MYO3A: variants seen among roughly 807,000 people sequenced by gnomAD.
The protein encoded by MYO3A is myosin IIIA.
In MYO3A, 180 loss-of-function variants were observed where a neutral mutation model predicts 192.7. The observed-to-expected ratio is 0.93, with a 90% CI of 0.83 to 1.06. The LOEUF is 1.06. MYO3A is among the 50% of genes least tolerant of loss of function. MYO3A has a pLI of 0.00. For synonymous variants in MYO3A, 628 were observed against 645.3 expected (o/e 0.97, Z 0.41); for missense variants, 1,896 against 1,905.0 (o/e 1.00, Z 0.09).
In MYO3A at chr10:26,025,712, A is replaced by G. The variant is rs964399700; in HGVS notation, c.798-665A>G. On this transcript the variant is annotated intron_variant, in intron 9 of 34. Coordinates refer to ENST00000642920, the MANE Select transcript of MYO3A (RefSeq NM_017433.5). ...TGTCACAGCTGGTTAAACTTTCTAC[A>G]TTTGTTCAAATGCTCCTCCTGTGCT... is the stretch of plus-strand genomic sequence containing the variant. Among the ~76,000 whole-genome samples the G allele has an allele frequency of 5.9e-5, 9 of 152,244 alleles. No individual in the cohort carries two copies. In the South Asian group the frequency reaches 1.9e-3, roughly 32 times the overall value.
At chr10:26,048,231 G>A (rs72795819) in intron 10 of MYO3A, among the ~76,000 whole-genome samples, 24,682 of 151,842 alleles carry the variant, frequency 0.16, 2,275 homozygotes, top group Non-Finnish European at 0.21. Context: ...CCCTAATCTT[G>A]TTTGCTTTCC....
At chr10:26,207,278 A>G (rs1185931345) in intron 34 of MYO3A, among the ~76,000 whole-genome samples, 1 of 152,078 alleles carries the variant, frequency 6.6e-6, no homozygotes, top group Non-Finnish European at 1.5e-5. Flanking sequence ...TGAGATCACA[A>G]TCATTGCCCA....
chr10:26,152,041 T>C (rs563269841), intron 23 of MYO3A, among the ~76,000 whole-genome samples: 120 of 152,328 alleles, frequency 7.9e-4, no homozygotes, highest in Admixed American at 3.2e-3. Context: ...ACAGCATCTA[T>C]CCATCTAATT....
chr10:25,989,841 A>T (rs1335601685), intron 4 of MYO3A, among the ~76,000 whole-genome samples: 2 of 152,092 alleles, frequency 1.3e-5, no homozygotes, highest in African/African-American at 4.8e-5. Flanking sequence ...GTTCCCAAGC[A>T]GGTGGGAAAG....
intron 31 of MYO3A, among the ~76,000 whole-genome samples, chr10:26,186,294 T>C (rs1316016981): frequency 6.9e-6 from 1 of 144,616 alleles, no homozygotes; most frequent in Non-Finnish European, 1.5e-5. Context: ...TTAGATGGAG[T>C]CTTGCTGTGT....
chr10:26,055,341 A>G (rs1045383786), intron 10 of MYO3A, among the ~76,000 whole-genome samples: 1 of 152,164 alleles, frequency 6.6e-6, no homozygotes, highest in Non-Finnish European at 1.5e-5. Context: ...AACTGAACAA[A>G]ATGAAAAATC....
rs781443677 is a variant in MYO3A at position 25,996,540 on chromosome 10, G to T, written c.354G>T (p.Arg118Ser). The T allele has an allele frequency of 6.2e-7, 1 of 1,613,820 alleles. No individual in the cohort carries two copies. The highest frequency in any genetic ancestry group is 1.1e-5 in the South Asian group (1 of 91,070). ...ACCTTGTGAAAGGATTTCTGAAGAG[G>T]GGTGAAAGAATGAGTGAGCCTCTAA... The part of the protein sequence containing the change: ...VTDLVKGFLK[R>S]GERMSEPLIA... The change falls in exon 5 of 35, where the codon AGG becomes AGT. Residue 118 changes from arginine (R) to serine (S), a missense_variant. Coordinates refer to ENST00000642920, the MANE Select transcript of MYO3A (RefSeq NM_017433.5).
intron 14 of MYO3A, among the ~76,000 whole-genome samples, chr10:26,082,507 T>A (rs1836023817): frequency 6.6e-6 from 1 of 152,192 alleles, no homozygotes; most frequent in Non-Finnish European, 1.5e-5. Flanking sequence ...ACAGGTAGGA[T>A]CATGTTATCT....
chr10:26,190,924 GA>G (rs1283061123), intron 31 of MYO3A, among the ~76,000 whole-genome samples: 1 of 152,076 alleles, frequency 6.6e-6, no homozygotes, highest in African/African-American at 2.4e-5. Flanking sequence ...TTTATTCCCA[GA>G]ACCTTTTTTT....
chr10:25,993,963 G>A (rs1276898872), intron 4 of MYO3A, among the ~76,000 whole-genome samples: 7 of 152,186 alleles, frequency 4.6e-5, no homozygotes, highest in Admixed American at 4.6e-4. Context: ...TAGGTGCGGT[G>A]TGGTTCTGAG....
At chr10:26,198,813 T>C (rs1843540498) in intron 32 of MYO3A, among the ~76,000 whole-genome samples, 1 of 152,212 alleles carries the variant, frequency 6.6e-6, no homozygotes, top group Non-Finnish European at 1.5e-5. Context: ...GTCATGTTTG[T>C]CTCCTCTTTC....
intron 4 of MYO3A, among the ~76,000 whole-genome samples, chr10:25,989,693 A>G (rs993236876): frequency 6.6e-6 from 1 of 152,228 alleles, no homozygotes; most frequent in Admixed American, 6.5e-5. Context: ...TCCAAAATGT[A>G]CTATAAGTGT....
chr10:26,004,677 C>G (rs1841072400), intron 6 of MYO3A, among the ~76,000 whole-genome samples: 1 of 152,040 alleles, frequency 6.6e-6, no homozygotes, highest in Non-Finnish European at 1.5e-5. Flanking sequence ...AGGAAATACT[C>G]AAATAATGAT....
chr10:26,198,436 C>T (rs1843520954), intron 32 of MYO3A, among the ~76,000 whole-genome samples: 1 of 152,224 alleles, frequency 6.6e-6, no homozygotes, highest in Admixed American at 6.5e-5. Context: ...AGTAATCGAA[C>T]ACAATCTTAT....
At chr10:25,953,120 T>A (rs1837311997) in intron 3 of MYO3A, among the ~76,000 whole-genome samples, 1 of 151,914 alleles carries the variant, frequency 6.6e-6, no homozygotes, top group Admixed American at 6.6e-5. Flanking sequence ...TAACAGACTC[T>A]TGCACACATG....
At position 26,174,311 on chromosome 10, in the gene MYO3A, A is replaced by G. The variant is rs1370529229; in HGVS notation, c.4047A>G (p.Ala1349=). 6.8e-6 allele frequency: 11 copies of G among 1,614,038 alleles called. No individual in the cohort carries two copies. The highest frequency in any genetic ancestry group is 9.3e-6 in the Non-Finnish European group (11 of 1,180,014). The change falls in exon 30 of 35, where the codon GCA becomes GCG. Residue 1349 remains alanine (A), a synonymous_variant. Coordinates refer to ENST00000642920, the MANE Select transcript of MYO3A (RefSeq NM_017433.5). ...AGGCCCAGGAGGAAGAAGATAAAGC[A>G]GCGGTATTCATTCAGAGCAAATACC... The part of the protein sequence containing the change: ...VTQAQEEEDK[A]AVFIQSKYRG...
chr10:26,143,060 G>A (rs964010283), intron 20 of MYO3A, among the ~76,000 whole-genome samples: 1 of 152,188 alleles, frequency 6.6e-6, no homozygotes, highest in Non-Finnish European at 1.5e-5. Flanking sequence ...GCCGGGCGCG[G>A]TGGCTCATGC....
At chr10:25,942,510 C>T (rs1836563041) in intron 2 of MYO3A, among the ~76,000 whole-genome samples, 1 of 152,168 alleles carries the variant, frequency 6.6e-6, no homozygotes, top group Non-Finnish European at 1.5e-5. Context: ...TTGTGAAGAA[C>T]TGCTGTACTA....
At chr10:26,096,939 A>G (rs1419520190) in intron 17 of MYO3A, among the ~76,000 whole-genome samples, 2 of 150,854 alleles carry the variant, frequency 1.3e-5, no homozygotes, top group Non-Finnish European at 3.0e-5. Flanking sequence ...TATATGGGAA[A>G]TATATATATA....
Sources: allele counts gnomAD v4.1 joint callset (sites outside exome capture counted in the v4.1 genomes callset), GRCh38; gene constraint gnomAD v4.1.1; transcripts MANE v1.5; gene names NCBI Gene and HGNC (gene_info 2026-07-23, HGNC 2026-07-21).